KDM2B: variants seen among roughly 807,000 people sequenced by gnomAD.
The protein encoded by KDM2B is lysine demethylase 2B.
In KDM2B, 26 loss-of-function variants were observed where a neutral mutation model predicts 150.0. The ratio of observed to expected loss-of-function variants is 0.17; its 90% confidence interval spans 0.13 to 0.24. KDM2B has a LOEUF of 0.24. Among genes scored for constraint, KDM2B ranks in the 10% least tolerant of loss-of-function variants. The pLI, the probability that KDM2B is intolerant of heterozygous loss-of-function variation, is 1.00. For missense variants in KDM2B, 1,265 were observed against 1,816.9 expected (o/e 0.70, Z 5.52); for synonymous variants, 734 against 729.5 (o/e 1.01, Z -0.10).
At position 121,533,069 on chromosome 12, in the gene KDM2B, G is replaced by A. The variant is rs781866612; in HGVS notation, c.778-110C>T. ...GAGGGGGCGAGACAAGCTGTGTGTG[G>A]GGTGGGGGGTGTGGAGAGATGGCAG... On this transcript the variant is annotated intron_variant, in intron 7 of 22. Transcript: ENST00000377071. This position sits in a 1 kb window ranked among gnomAD's most constrained non-coding sequence, Gnocchi z 4.1. 1.9e-6 allele frequency: 2 copies of A among 1,072,784 alleles called. No homozygotes were observed. Among genetic ancestry groups the A allele is most frequent in the Non-Finnish European group, 2.7e-6 (2 of 733,760 alleles). The allele number at this position is 1,072,784 out of a possible 1,614,324, so 66.5% of individuals were successfully genotyped here.
chr12:121,443,564 C>G (rs1410521598), intron 17 of KDM2B, 116 bp downstream of exon 17: 7 of 712,964 alleles, frequency 9.8e-6, no homozygotes, highest in Non-Finnish European at 1.5e-5. Context: ...GGGGCCGAGA[C>G]CTGGGAAGCC....
Position 121,465,215 on chromosome 12 carries a change from G to GTTTGTT in KDM2B, c.1735-11877_1735-11872dup, listed in dbSNP as rs534134600. Among the ~76,000 whole-genome samples the GTTTGTT allele has an allele frequency of 7.6e-3, 1,156 of 152,146 alleles. 18 individuals carry two copies. Among genetic ancestry groups the GTTTGTT allele is most frequent in the African/African-American group, 0.027 (1,100 of 41,442 alleles). ...ATTTGGCTACAGTGAATACAGGTTT[G>GTTTGTT]TTTGTTTTTGTTTTTGTTTTTGTTT... On this transcript the variant is annotated intron_variant, in intron 12 of 22. Coordinates refer to ENST00000377071, the MANE Select transcript of KDM2B (RefSeq NM_032590.5).
intron 9 of KDM2B, chr12:121,516,506 G>C (rs1293686310): frequency 1.4e-6 from 2 of 1,398,370 alleles, no homozygotes. Flanking sequence ...CCTTCAAAAG[G>C]TTTCAGCCAC....
chr12:121,446,384 C>T (rs901722736), intron 13 of KDM2B, among the ~76,000 whole-genome samples: 1 of 152,108 alleles, frequency 6.6e-6, no homozygotes, highest in African/African-American at 2.4e-5. Flanking sequence ...GGCGACAGAG[C>T]GAGACTCCGT....
chr12:121,484,549 G>T (rs1194375955), intron 12 of KDM2B, among the ~76,000 whole-genome samples: 1 of 152,220 alleles, frequency 6.6e-6, no homozygotes, highest in Non-Finnish European at 1.5e-5. Context: ...CGGACATGGT[G>T]GCTCACGCCT....
chr12:121,509,207 C>G (rs947566938), intron 11 of KDM2B, among the ~76,000 whole-genome samples: 37 of 152,060 alleles, frequency 2.4e-4, no homozygotes, highest in African/African-American at 7.2e-5. Context: ...TACAGGCATA[C>G]GCCACCAGGC....
At position 121,453,951 on chromosome 12, in the gene KDM2B, G is replaced by A. The variant is rs1051192143; in HGVS notation, c.1735-607C>T. On this transcript the variant is annotated intron_variant, in intron 12 of 22. Transcript: ENST00000377071. The surrounding 1 kb of genome is among the most constrained non-coding windows in gnomAD (Gnocchi z 6.4). ...GACCCTGCCCACCTTTCCCACCTCCGTCTGCTCCCCAAGAAAGACCGCAAG... is the reference window on the plus strand; with the variant it reads ...GACCCTGCCCACCTTTCCCACCTCCATCTGCTCCCCAAGAAAGACCGCAAG... Among the ~76,000 whole-genome samples, 35 of 152,062 alleles carry A rather than the reference G, an allele frequency of 2.3e-4. No individual in the cohort carries two copies. Among genetic ancestry groups the A allele is most frequent in the Middle Eastern group, 3.4e-3 (1 of 294 alleles).
Position 121,513,193 on chromosome 12 carries a change from G to T in KDM2B, c.1174+83C>A. The T allele has an allele frequency of 6.7e-7, 1 of 1,503,516 alleles. No homozygotes were observed. Among genetic ancestry groups the T allele is most frequent in the South Asian group, 1.2e-5 (1 of 85,928 alleles). The allele number at this position is 1,503,516 out of a possible 1,614,324, so 93.1% of individuals were successfully genotyped here. Reference sequence around the variant, plus strand: ...GATTCAACGAATCCCCAAAACTCAGGGAGTGTCTCCAGGCCCCACTGAGAA... The same window carrying T: ...GATTCAACGAATCCCCAAAACTCAGTGAGTGTCTCCAGGCCCCACTGAGAA... On this transcript the variant is annotated intron_variant, in intron 10 of 22. Transcript: ENST00000377071. This position sits in a 1 kb window ranked among gnomAD's most constrained non-coding sequence, Gnocchi z 5.0.
chr12:121,447,261 T>A (rs1876436508), intron 13 of KDM2B, among the ~76,000 whole-genome samples: 1 of 152,006 alleles, frequency 6.6e-6, no homozygotes, highest in South Asian at 2.1e-4. Context: ...TTTTTTTTTA[T>A]TTTTTGAGAT....
intron 4 of KDM2B, among the ~76,000 whole-genome samples, chr12:121,557,705 G>C (rs1890008877): frequency 6.6e-6 from 1 of 152,152 alleles, no homozygotes; most frequent in Non-Finnish European, 1.5e-5. Context: ...AGACTTCAGG[G>C]GGAAATGTAG....
At chr12:121,551,461 T>A (rs531923981) in intron 4 of KDM2B, among the ~76,000 whole-genome samples, 2 of 151,294 alleles carry the variant, frequency 1.3e-5, no homozygotes, top group East Asian at 3.9e-4. Context: ...TCCTCCAGCC[T>A]CAGCCTCCTG....
intron 11 of KDM2B, among the ~76,000 whole-genome samples, chr12:121,503,010 T>C (rs1371087249): frequency 6.7e-6 from 1 of 148,442 alleles, no homozygotes; most frequent in Non-Finnish European, 1.5e-5. Flanking sequence ...AGAGTTTTGC[T>C]CTTGTCACCC....
Position 121,549,662 on chromosome 12 carries a change from G to C in KDM2B, c.398-24C>G, listed in dbSNP as rs1889329167. ...CCCTGGAGGCAGAAGCCACACACTG[G>C]TTGTTCCTGCCGGCTTAAGGCTCCA... On this transcript the variant is annotated intron_variant, in intron 4 of 22. Coordinates refer to ENST00000377071, the MANE Select transcript of KDM2B (RefSeq NM_032590.5). The surrounding 1 kb of genome is among the most constrained non-coding windows in gnomAD (Gnocchi z 4.4). 1 of 1,538,154 alleles carries C rather than the reference G, an allele frequency of 6.5e-7. No individual in the cohort carries two copies. Among genetic ancestry groups the C allele is most frequent in the Non-Finnish European group, 8.8e-7 (1 of 1,134,582 alleles).
intron 22 of KDM2B, among the ~76,000 whole-genome samples, chr12:121,436,840 T>C (rs1874082644): frequency 1.3e-5 from 2 of 152,126 alleles, no homozygotes; most frequent in South Asian, 2.1e-4. Flanking sequence ...CACTGACAGA[T>C]GAAGAATCAA....
intron 4 of KDM2B, among the ~76,000 whole-genome samples, chr12:121,558,938 C>T (rs1555313274): frequency 6.6e-6 from 1 of 152,138 alleles, no homozygotes; most frequent in Non-Finnish European, 1.5e-5. Flanking sequence ...CGCCGCCCTC[C>T]CCAGCACCTC....
chr12:121,566,044 A>G (rs1890684653), intron 4 of KDM2B, among the ~76,000 whole-genome samples: 1 of 152,108 alleles, frequency 6.6e-6, no homozygotes, highest in Non-Finnish European at 1.5e-5. Context: ...TCTATTCCAG[A>G]TGAACTATAG....
chr12:121,431,881 T>TTTC (rs1249467492), intron 22 of KDM2B, among the ~76,000 whole-genome samples: 3 of 144,622 alleles, frequency 2.1e-5, no homozygotes, highest in African/African-American at 7.6e-5. Flanking sequence ...TCTTTTTTCT[T>TTTC]TTTTTTTTTT....
At chr12:121,410,129 G>A in the KDM2B span, among the ~76,000 whole-genome samples, 1 of 151,616 alleles carries the variant, frequency 6.6e-6, no homozygotes, top group African/African-American at 2.4e-5. Context: ...ACTCCAACCT[G>A]GGCAACAAGA....
chr12:121,507,950 G>T (rs567125388), intron 11 of KDM2B, among the ~76,000 whole-genome samples: 1 of 152,220 alleles, frequency 6.6e-6, no homozygotes, highest in Non-Finnish European at 1.5e-5. Flanking sequence ...GGTCGAGGCT[G>T]CAGGGAGCCA....
Sources: allele counts gnomAD v4.1 joint callset (sites outside exome capture counted in the v4.1 genomes callset), GRCh38; gene constraint gnomAD v4.1.1; non-coding constraint Gnocchi (gnomAD v3.1); transcripts MANE v1.5; gene names NCBI Gene and HGNC (gene_info 2026-07-23, HGNC 2026-07-21).